CROCC: variants seen among roughly 807,000 people sequenced by gnomAD.
CROCC encodes the protein ciliary rootlet coiled-coil, rootletin, also known as rootletin.
A neutral mutation model predicts 245.2 loss-of-function variants in CROCC; 180 were observed. The observed-to-expected ratio is 0.73, with a 90% CI of 0.65 to 0.83. CROCC has a LOEUF of 0.83. Among genes scored for constraint, CROCC ranks in the 40% least tolerant of loss-of-function variants. The pLI is 0.00. For synonymous variants in CROCC, 1,205 were observed against 1,241.6 expected, an observed-to-expected ratio of 0.97 and a Z score of 0.62; for missense variants, 2,688 against 2,779.4, an observed-to-expected ratio of 0.97 and a Z score of 0.74.
At position 16,955,329 on chromosome 1, in the gene CROCC, C is replaced by A; in HGVS notation, c.3483C>A (p.Thr1161=). 6.2e-7 allele frequency: 1 copy of A among 1,608,204 alleles called. No homozygotes were observed. Among genetic ancestry groups the A allele is most frequent in the Non-Finnish European group, 8.5e-7 (1 of 1,179,686 alleles). The change falls in exon 24 of 37, where the codon ACC becomes ACA. Residue 1161 remains threonine, a synonymous_variant. Coordinates refer to ENST00000375541, the MANE Select transcript of CROCC (RefSeq NM_014675.5). ...SCLREAEELR[T]QLRLLEDARD... ...GCTCACAGGCAGAAGAGCTTCGGAC[C>A]CAGCTGCGTCTGCTGGAGGATGCCC...
intron 13 of CROCC, among the ~76,000 whole-genome samples, chr1:16,940,411 C>T (rs1413665141): frequency 1.4e-5 from 2 of 141,052 alleles, no homozygotes; most frequent in African/African-American, 2.7e-5. Context: ...TTTTTTGAGA[C>T]GGAGTTTCAC....
chr1:16,942,582 G>A (rs1227684179), intron 13 of CROCC, among the ~76,000 whole-genome samples: 2 of 152,282 alleles, frequency 1.3e-5, no homozygotes, highest in African/African-American at 4.8e-5. Flanking sequence ...TGTACTCTGT[G>A]ATTTAGTCTT....
intron 13 of CROCC, among the ~76,000 whole-genome samples, chr1:16,941,939 T>C (rs2075943540): frequency 1.3e-5 from 2 of 152,214 alleles, no homozygotes; most frequent in South Asian, 4.1e-4. Flanking sequence ...TGGCCTCAAG[T>C]GATTCCCCTG....
At chr1:16,928,529 T>C (rs2075588587) in intron 3 of CROCC, among the ~76,000 whole-genome samples, 2 of 151,926 alleles carry the variant, frequency 1.3e-5, no homozygotes, top group Admixed American at 1.3e-4. Flanking sequence ...TTGGGCCGGA[T>C]GCTGTGGCTC....
intron 1 of CROCC, among the ~76,000 whole-genome samples, chr1:16,914,649 G>T (rs1228305424): frequency 2.6e-5 from 4 of 152,300 alleles, no homozygotes; most frequent in African/African-American, 9.6e-5. Flanking sequence ...CAGGGCCGCC[G>T]GATGCTGTGC....
chr1:16,966,206 C>A lies in CROCC; in HGVS notation c.4696+87C>A, dbSNP rs1353389621. On this transcript the variant is annotated intron_variant, in intron 29 of 36. Transcript: ENST00000375541. This position sits in a 1 kb window ranked among gnomAD's most constrained non-coding sequence, Gnocchi z 4.8. ...CCGGGGGATTGGCCTCTGACCTTGCCGTGGCCCCCATGACCTGACTCGGGG... is the reference window on the plus strand; with the variant it reads ...CCGGGGGATTGGCCTCTGACCTTGCAGTGGCCCCCATGACCTGACTCGGGG... The A allele has an allele frequency of 4.8e-5, 74 of 1,527,754 alleles. No homozygotes were observed. The highest frequency in any genetic ancestry group is 6.4e-5 in the Non-Finnish European group (73 of 1,133,536). The allele number at this position is 1,527,754 out of a possible 1,614,324, so 94.6% of individuals were successfully genotyped here. A position where few individuals can be genotyped will look rare whatever the true frequency, so the allele number is the denominator to read the frequency against.
chr1:16,935,133 C>T (rs1477668846), intron 8 of CROCC, among the ~76,000 whole-genome samples: 1 of 152,264 alleles, frequency 6.6e-6, no homozygotes, highest in African/African-American at 2.4e-5. Context: ...CTCCTGACCT[C>T]AGGTGATCCT....
chr1:16,939,856 T>A (rs774426712), intron 12 of CROCC, 38 bp from the exon 13 acceptor site: 8 of 1,604,812 alleles, frequency 5.0e-6, no homozygotes, highest in African/African-American at 2.7e-5. Flanking sequence ...TGGAGGCCTC[T>A]CAGGCCCCCC....
rs190520832 is a variant in CROCC, at chr1:16,922,016, C to G, written c.-3C>G. ...CTGGAGGCATGCCCACAGCCTCCCC[C>G]CCATGAGCTTGGGGCTGGCGGGGGC... is the stretch of plus-strand genomic sequence containing the variant. On this transcript the variant is annotated 5_prime_UTR_variant, in exon 1 of 37. Transcript: ENST00000375541. 190 of 1,551,230 alleles carry G rather than the reference C, an allele frequency of 1.2e-4. No individual in the cohort carries two copies. In the African/African-American group the frequency reaches 1.9e-3, roughly 15 times the overall value.
chr1:16,916,731 T>G (rs2075309190), intron 1 of CROCC, among the ~76,000 whole-genome samples: 1 of 152,300 alleles, frequency 6.6e-6, no homozygotes, highest in Non-Finnish European at 1.5e-5. Flanking sequence ...AGGGCTGGTC[T>G]CAAACGCCTG....
Position 16,946,351 on chromosome 1 carries a change from C to T in CROCC, c.2229C>T (p.Ala743=), listed in dbSNP as rs759523071. The T allele has an allele frequency of 1.1e-5, 18 of 1,613,288 alleles. No individual in the cohort carries two copies. The highest frequency in any genetic ancestry group is 1.5e-5 in the Non-Finnish European group (18 of 1,180,022). Residue 743 remains alanine (A), a synonymous_variant, in exon 16 of 37, where the codon GCC becomes GCT. Coordinates refer to ENST00000375541, the MANE Select transcript of CROCC (RefSeq NM_014675.5). The part of the protein sequence containing the change: ...SLQDSLSKLS[A]LNESLAQDKL... ...AGGACTCCCTGTCCAAGCTGAGCGC[C>T]CTCAACGAGAGCCTTGCTCAGGACA...
At chr1:16,933,698 TG>T (rs2075729453) in intron 8 of CROCC, among the ~76,000 whole-genome samples, 1 of 152,276 alleles carries the variant, frequency 6.6e-6, no homozygotes, top group African/African-American at 2.4e-5. Context: ...CCTGCGTAGC[TG>T]GGATTACAGG....
chr1:16,931,422 A>G, intron 8 of CROCC, 25 bp downstream of exon 8: 1 of 1,576,210 alleles, frequency 6.3e-7, no homozygotes, highest in Non-Finnish European at 8.7e-7. Context: ...GGGACGGGGC[A>G]GCAGCTGAGA....
chr1:16,925,025 C>G (rs1376362680), intron 3 of CROCC, among the ~76,000 whole-genome samples: 63 of 152,336 alleles, frequency 4.1e-4, no homozygotes, highest in African/African-American at 1.4e-3. Context: ...GGATTCACAT[C>G]ACCCGTGCTG....
chr1:16,930,208 G>A lies in CROCC; in HGVS notation c.621+1G>A. ...AGAGCTGGAGCAGCAGCGGCTGAGG[G>A]TGGGTGCCAGTGTGGGGCAGGGGCA... On this transcript the variant is annotated splice_donor_variant, in intron 5 of 36. Transcript: ENST00000375541. LOFTEE classifies it high-confidence loss of function. 1.3e-6 allele frequency: 2 copies of A among 1,588,694 alleles called. No homozygotes were observed. The highest frequency in any genetic ancestry group is 1.7e-6 in the Non-Finnish European group (2 of 1,168,222).
At chr1:16,923,187 C>T (rs1166917010) in intron 2 of CROCC, among the ~76,000 whole-genome samples, 17 of 152,378 alleles carry the variant, frequency 1.1e-4, no homozygotes, top group East Asian at 3.9e-4. Context: ...GCCGTCCATC[C>T]GTTTCCCACG....
intron 36 of CROCC, 21 bp from the exon 37 acceptor site, chr1:16,972,339 T>G (rs763778939): frequency 6.2e-7 from 1 of 1,610,688 alleles, no homozygotes; most frequent in Non-Finnish European, 8.5e-7. Context: ...TGGCTGGCCT[T>G]ACCTTCCCTT....
intron 31 of CROCC, 86 bp downstream of exon 31, chr1:16,968,504 C>T (rs183338167): frequency 7.6e-7 from 1 of 1,318,098 alleles, no homozygotes; most frequent in African/African-American, 1.5e-5. Flanking sequence ...CCCAACAACC[C>T]TGTGAGGCAA....
intron 2 of CROCC, 50 bp from the exon 3 acceptor site, chr1:16,924,275 A>T: frequency 6.3e-7 from 1 of 1,592,108 alleles, no homozygotes; most frequent in Non-Finnish European, 8.6e-7. Flanking sequence ...TGGGGGGAGG[A>T]TGTCCCACTG....
Sources: gnomAD v4.1 joint callset for allele counts (sites outside exome capture counted in the v4.1 genomes callset) on GRCh38, gnomAD v4.1.1 for gene constraint, Gnocchi (gnomAD v3.1) non-coding constraint, MANE v1.5 for transcripts, NCBI Gene and HGNC (gene_info 2026-07-23, HGNC 2026-07-21) for gene names.